The following FTO variants were observed in gnomAD, a reference collection of about 807,000 sequenced individuals.
The protein encoded by FTO is alpha-ketoglutarate-dependent dioxygenase FTO.
In FTO, 47 loss-of-function variants were observed where a neutral mutation model predicts 63.9. That is an observed-to-expected ratio of 0.74 (90% CI 0.58 to 0.94). FTO has a LOEUF of 0.94. Ranked by LOEUF, FTO falls within the 40% of genes least tolerant of loss-of-function variation. The pLI is 0.00. For synonymous variants in FTO, 207 were observed against 224.4 expected, an observed-to-expected ratio of 0.92 and a Z score of 0.69; for missense variants, 562 against 618.1, an observed-to-expected ratio of 0.91 and a Z score of 0.96.
intron 4 of FTO, among the ~76,000 whole-genome samples, chr16:53,844,990 G>A (rs1211408808): frequency 2.6e-5 from 4 of 151,114 alleles, no homozygotes. Flanking sequence ...CCTTTCTCTC[G>A]ACTTGTCATT....
intron 8 of FTO, among the ~76,000 whole-genome samples, chr16:54,005,169 A>G (rs2084171502): frequency 6.7e-6 from 1 of 149,456 alleles, no homozygotes; most frequent in Non-Finnish European, 1.5e-5. Context: ...TAGCTAAGAT[A>G]GATGTTAAAG....
In FTO at chr16:53,785,447, A is replaced by G. The variant is rs560635081; in HGVS notation, c.46-24693A>G. The stretch of plus-strand genomic sequence containing the variant: ...AGAATATATGATAGCAACTAGGGTG[A>G]GAGTGCTGTTTTTGATAGGATGGCA... On this transcript the variant is annotated intron_variant, in intron 1 of 8. Transcript: ENST00000471389. Among the ~76,000 whole-genome samples, 22 of 152,308 alleles carry G rather than the reference A, an allele frequency of 1.4e-4. No individual in the cohort carries two copies. The East Asian group carries it at 4.0e-3, about 28-fold the overall frequency.
chr16:53,890,437 A>G (rs1188889522), intron 7 of FTO, among the ~76,000 whole-genome samples: 4 of 152,124 alleles, frequency 2.6e-5, no homozygotes, highest in Admixed American at 2.0e-4. Context: ...TGTGATAAGA[A>G]CACTTAACAT....
chr16:54,098,476 AGATGGAG>A (rs2086562288), intron 8 of FTO, among the ~76,000 whole-genome samples: 1 of 152,238 alleles, frequency 6.6e-6, no homozygotes, highest in Admixed American at 6.5e-5. Flanking sequence ...ACAGGTGAGC[AGATGGAG>A]GAATCATCAA....
chr16:54,100,800 G>C (rs1221626783), intron 8 of FTO, among the ~76,000 whole-genome samples: 1 of 152,148 alleles, frequency 6.6e-6, no homozygotes. Context: ...CTACAGGGGC[G>C]GTTTTGAGAG....
At position 54,106,382 on chromosome 16, in the gene FTO, G is replaced by A. The variant is rs1276208221; in HGVS notation, c.1365-5380G>A. 2.6e-5 allele frequency among the ~76,000 whole-genome samples: 4 copies of A among 151,274 alleles called. No homozygotes were observed. The Admixed American group carries it at 2.7e-4, about 10-fold the overall frequency. On this transcript the variant is annotated intron_variant, in intron 8 of 8. Coordinates refer to ENST00000471389, the MANE Select transcript of FTO (RefSeq NM_001080432.3). ...CCTAAGTAGCTGAGAGTTTTAGGAG[G>A]TGGTTTATAGAGTGCTTTGAGTCAA...
intron 1 of FTO, among the ~76,000 whole-genome samples, chr16:53,714,849 C>T (rs1188159895): frequency 6.6e-6 from 1 of 152,046 alleles, no homozygotes; most frequent in East Asian, 1.9e-4. Context: ...AGCCAGTGTT[C>T]CCAGCTTTTA....
At chr16:53,755,037 C>T (rs955050863) in intron 1 of FTO, among the ~76,000 whole-genome samples, 2 of 152,190 alleles carry the variant, frequency 1.3e-5, no homozygotes. Flanking sequence ...AAGGGCTGAC[C>T]TGTTACCATT....
intron 8 of FTO, among the ~76,000 whole-genome samples, chr16:54,100,770 A>C (rs2086623324): frequency 6.6e-6 from 1 of 152,192 alleles, no homozygotes; most frequent in African/African-American, 2.4e-5. Flanking sequence ...CTCCCATGTC[A>C]ACAAAAGTCT....
chr16:54,024,288 A>G (rs2084663845), intron 8 of FTO, among the ~76,000 whole-genome samples: 2 of 152,180 alleles, frequency 1.3e-5, no homozygotes, highest in Non-Finnish European at 2.9e-5. Context: ...CAGAGGCACT[A>G]TCTCGGCTCA....
chr16:53,750,386 C>T (rs771184390), intron 1 of FTO, among the ~76,000 whole-genome samples: 16 of 151,980 alleles, frequency 1.1e-4, no homozygotes, highest in Non-Finnish European at 2.4e-4. Flanking sequence ...TACAGGTGCA[C>T]GCCACCACAC....
chr16:54,086,160 C>A (rs901151331), intron 8 of FTO, among the ~76,000 whole-genome samples: 17 of 152,144 alleles, frequency 1.1e-4, no homozygotes, highest in African/African-American at 3.6e-4. Context: ...ACCCCTTAAC[C>A]TGGGCAAAAT....
intron 8 of FTO, among the ~76,000 whole-genome samples, chr16:54,096,795 A>G (rs1485541770): frequency 1.3e-5 from 2 of 152,182 alleles, no homozygotes; most frequent in African/African-American, 4.8e-5. Flanking sequence ...AATCCCTTTC[A>G]TAAGGGTACC....
intron 1 of FTO, among the ~76,000 whole-genome samples, chr16:53,732,227 A>G (rs2076289821): frequency 6.6e-6 from 1 of 150,786 alleles, no homozygotes; most frequent in South Asian, 2.1e-4. Context: ...TTCTTTTTGT[A>G]TTTTTAGTAG....
chr16:53,813,449 T>G (rs1234215487), intron 2 of FTO, among the ~76,000 whole-genome samples: 4 of 152,120 alleles, frequency 2.6e-5, no homozygotes, highest in Non-Finnish European at 5.9e-5. Context: ...TGACCTCACA[T>G]TATCCACCTG....
intron 8 of FTO, among the ~76,000 whole-genome samples, chr16:54,097,199 G>A (rs1233749569): frequency 6.6e-6 from 1 of 152,166 alleles, no homozygotes; most frequent in Non-Finnish European, 1.5e-5. Flanking sequence ...ATGATGGCCA[G>A]AAAGTCACAG....
At chr16:53,949,467 G>A (rs760821755) in intron 8 of FTO, among the ~76,000 whole-genome samples, 13 of 152,146 alleles carry the variant, frequency 8.5e-5, no homozygotes, top group Admixed American at 2.6e-4. Flanking sequence ...CAGCTGTTAC[G>A]CATGTGTAGT....
At chr16:53,914,293 C>T (rs943311082) in intron 7 of FTO, among the ~76,000 whole-genome samples, 21 of 145,228 alleles carry the variant, frequency 1.4e-4, no homozygotes, top group Admixed American at 6.2e-4. Context: ...AATTCTGTTT[C>T]GGAGTTCTCA....
At chr16:53,991,980 C>T (rs1429094232) in intron 8 of FTO, 2 of 152,176 alleles carry the variant, frequency 1.3e-5, no homozygotes, top group Admixed American at 6.5e-5. Context: ...CACCCAGCCC[C>T]CTTGCCTTGC....
Sources: allele counts gnomAD v4.1 joint callset (sites outside exome capture counted in the v4.1 genomes callset), GRCh38; gene constraint gnomAD v4.1.1; transcripts MANE v1.5; gene names NCBI Gene and HGNC (gene_info 2026-07-23, HGNC 2026-07-21).